Variants in CTSS observed in about 807,000 individuals in gnomAD.
The protein encoded by CTSS is cathepsin S.
In CTSS, 15 loss-of-function variants were observed where a neutral mutation model predicts 39.9. The ratio of observed to expected loss-of-function variants is 0.38; its 90% confidence interval spans 0.25 to 0.58. CTSS has a LOEUF of 0.58. Ranked by LOEUF, CTSS falls within the 20% of genes least tolerant of loss-of-function variation. CTSS has a pLI of 0.70. For missense variants in CTSS, 250 were observed against 398.2 expected (o/e 0.63, Z 3.17); for synonymous variants, 126 against 138.2 (o/e 0.91, Z 0.62).
chr1:150,752,128 C>A (rs1571101743), intron 4 of CTSS, 120 bp from the exon 5 acceptor site: 1 of 931,444 alleles, frequency 1.1e-6, no homozygotes, highest in Non-Finnish European at 1.6e-6. Context: ...AGAAAGAGCT[C>A]CCCCACTACA....
At chr1:150,741,444 T>C (rs1209862377) in intron 7 of CTSS, among the ~76,000 whole-genome samples, 6 of 152,256 alleles carry the variant, frequency 3.9e-5, no homozygotes, top group Non-Finnish European at 7.3e-5. Flanking sequence ...TTTAATCATA[T>C]ACCTATTGTT....
intron 3 of CTSS, among the ~76,000 whole-genome samples, 192 bp downstream of exon 3, chr1:150,757,666 A>G (rs893041341): frequency 2.6e-5 from 4 of 152,240 alleles, no homozygotes; most frequent in African/African-American, 9.6e-5. Flanking sequence ...TGTTAAAGAA[A>G]GAAAGCAGTC....
chr1:150,759,471 G>A (rs1653205999), intron 2 of CTSS, among the ~76,000 whole-genome samples: 1 of 151,876 alleles, frequency 6.6e-6, no homozygotes, highest in South Asian at 2.1e-4. Context: ...GAATTCCTCA[G>A]TACTATCTTT....
rs1371816494 is a variant in CTSS at position 150,753,798 on chromosome 1, GA to G, written c.399+1202del. On this transcript the variant is annotated intron_variant, in intron 4 of 7. Coordinates refer to ENST00000368985, the MANE Select transcript of CTSS (RefSeq NM_004079.5). ...AACCCATCTCTGCTAAAAATACAAA[GA>G]AAAAAAAAGTGGTGGTGTGTGCCTG... 4.0e-5 allele frequency among the ~76,000 whole-genome samples: 6 copies of G among 150,798 alleles called. No individual in the cohort carries two copies. The East Asian group carries it at 7.8e-4, about 20-fold the overall frequency.
At chr1:150,735,399 A>G (rs1652613066) in intron 7 of CTSS, among the ~76,000 whole-genome samples, 2 of 152,128 alleles carry the variant, frequency 1.3e-5, no homozygotes, top group Admixed American at 6.6e-5. Flanking sequence ...TCAAGACACT[A>G]CTATGTTCTG....
intron 2 of CTSS, among the ~76,000 whole-genome samples, chr1:150,759,656 T>G (rs980535780): frequency 2.0e-5 from 3 of 152,264 alleles, no homozygotes; most frequent in African/African-American, 7.2e-5. Context: ...TATTTTAATT[T>G]TATTCAGAGT....
chr1:150,753,071 T>G (rs1653041617), intron 4 of CTSS, among the ~76,000 whole-genome samples: 1 of 151,968 alleles, frequency 6.6e-6, no homozygotes, highest in Admixed American at 6.6e-5. Context: ...CCTAGGTTGG[T>G]TTCTAACTCC....
Position 150,745,970 on chromosome 1 carries a change from G to T in CTSS, c.896+1807C>A, listed in dbSNP as rs587743939. Among the ~76,000 whole-genome samples, 157 of 152,216 alleles carry T rather than the reference G, an allele frequency of 1.0e-3. 1 individual carries two copies. Among genetic ancestry groups the T allele is most frequent in the South Asian group, 3.5e-3 (17 of 4,814 alleles). ...CCATCTCCACCCGTGCTGTACCTTT[G>T]ATTCCCAGAATCTGTTCATCTTATA... On this transcript the variant is annotated intron_variant, in intron 7 of 7. Coordinates refer to ENST00000368985, the MANE Select transcript of CTSS (RefSeq NM_004079.5).
At chr1:150,758,002 C>A (rs201641562) in intron 2 of CTSS, 22 bp from the exon 3 acceptor site, 6 of 1,608,234 alleles carry the variant, frequency 3.7e-6, no homozygotes, top group Middle Eastern at 1.7e-4. Flanking sequence ...TGAAGAAGAA[C>A]ATAGTCATAC....
Position 150,750,090 on chromosome 1 carries a change from C to T in CTSS, c.709G>A (p.Val237Ile). ...YTELPYGRED[V>I]LKEAVANKGP... ...TTATTGGCCACAGCTTCTTTCAGGACATCTTCTCTGCCATAAGGAAGTTCA... is the reference window on the plus strand; with the variant it reads ...TTATTGGCCACAGCTTCTTTCAGGATATCTTCTCTGCCATAAGGAAGTTCA... The change falls in exon 6 of 8, where the codon GTC (valine) becomes ATC (isoleucine). Residue 237 changes from valine (V) to isoleucine (I), a missense_variant. Coordinates refer to ENST00000368985, the MANE Select transcript of CTSS (RefSeq NM_004079.5). 1 of 1,614,016 alleles carries T rather than the reference C, an allele frequency of 6.2e-7. No homozygotes were observed. Among genetic ancestry groups the T allele is most frequent in the Middle Eastern group, 1.7e-4 (1 of 6,060 alleles).
chr1:150,765,104 A>G (rs1557816075), intron 1 of CTSS, among the ~76,000 whole-genome samples: 1 of 134,410 alleles, frequency 7.4e-6, no homozygotes, highest in Non-Finnish European at 1.7e-5. Flanking sequence ...TCTCTCTCAA[A>G]AAAAAAAAAA....
chr1:150,758,006 G>T, intron 2 of CTSS, 26 bp from the exon 3 acceptor site: 1 of 1,605,874 alleles, frequency 6.2e-7, no homozygotes. Flanking sequence ...GAAGAACATA[G>T]TCATACTGCA....
rs587621749 is a variant in CTSS at position 150,765,208 on chromosome 1, CCA to C, written c.-1-446_-1-445del. On this transcript the variant is annotated intron_variant, in intron 1 of 7. Transcript: ENST00000368985. ...CTTCTTAACTGACCTGTTTAAATAT[CCA>C]CAGTCTTTACAGATAGTTAAAAGAC... Among the ~76,000 whole-genome samples, 731 of 151,622 alleles carry C rather than the reference CCA, an allele frequency of 4.8e-3. 1 individual carries two copies. The highest frequency in any genetic ancestry group is 0.024 in the Middle Eastern group (7 of 290).
chr1:150,735,240 G>A (rs1163296844), intron 7 of CTSS, among the ~76,000 whole-genome samples: 4 of 152,188 alleles, frequency 2.6e-5, no homozygotes, highest in African/African-American at 9.7e-5. Context: ...ATTGTTGGAA[G>A]ACAAATGACA....
At chr1:150,761,988 A>G (rs142211471) in intron 2 of CTSS, among the ~76,000 whole-genome samples, 21 of 152,328 alleles carry the variant, frequency 1.4e-4, no homozygotes, top group Admixed American at 5.2e-4. Context: ...AGCAAGAGGA[A>G]CAAAGCTGGA....
intron 7 of CTSS, among the ~76,000 whole-genome samples, chr1:150,743,017 G>A (rs946643882): frequency 6.6e-6 from 1 of 152,004 alleles, no homozygotes; most frequent in Admixed American, 6.6e-5. Context: ...CACTTAGGAG[G>A]TCATTTTCAG....
chr1:150,733,058 G>A lies in CTSS; in HGVS notation c.984C>T (p.Tyr328=), dbSNP rs773699643. ...NHCGIASFPS[Y]PEI ...AAGGAGAGATCCTCTAGATTTCTGG[G>A]TAAGAGGGAAAGCTAGCAATCCCAC... is the stretch of plus-strand genomic sequence containing the variant. The change falls in exon 8 of 8, where the codon TAC becomes TAT. Residue 328 remains tyrosine (Y), a synonymous_variant. Coordinates refer to ENST00000368985, the MANE Select transcript of CTSS (RefSeq NM_004079.5). The A allele has an allele frequency of 3.7e-6, 6 of 1,610,086 alleles. No homozygotes were observed. In the South Asian group the frequency reaches 6.6e-5, roughly 18 times the overall value.
intron 5 of CTSS, 105 bp downstream of exon 5, chr1:150,751,676 A>G: frequency 1.1e-6 from 1 of 949,456 alleles, no homozygotes; most frequent in Admixed American, 2.2e-5. Flanking sequence ...TCTCTCACAC[A>G]CAATACTGCT....
At chr1:150,745,387 G>T (rs1435685935) in intron 7 of CTSS, among the ~76,000 whole-genome samples, 1 of 152,086 alleles carries the variant, frequency 6.6e-6, no homozygotes, top group African/African-American at 2.4e-5. Context: ...TTGGCCAGGC[G>T]CAGTGGCTCA....
Sources: gnomAD v4.1 joint callset for allele counts (sites outside exome capture counted in the v4.1 genomes callset) on GRCh38, gnomAD v4.1.1 for gene constraint, MANE v1.5 for transcripts, NCBI Gene and HGNC (gene_info 2026-07-23, HGNC 2026-07-21) for gene names.